OR1J2: variants seen among roughly 807,000 people sequenced by gnomAD.
The protein encoded by OR1J2 is olfactory receptor family 1 subfamily J member 2.
For synonymous variants in OR1J2, 142 were observed against 99.7 expected (o/e 1.42, Z -2.52); for missense variants, 304 against 246.1 (o/e 1.24, Z -1.57).
chr9:122,454,605 C>A, the OR1J2 span, among the ~76,000 whole-genome samples: 2 of 152,074 alleles, frequency 1.3e-5, no homozygotes, highest in African/African-American at 2.4e-5. Flanking sequence ...CCAGACTGGG[C>A]TTCTCTGGGT....
the OR1J2 span, among the ~76,000 whole-genome samples, chr9:122,565,394 T>C: frequency 6.6e-6 from 1 of 152,184 alleles, no homozygotes; most frequent in Non-Finnish European, 1.5e-5. Context: ...AGTGAGTCTC[T>C]TTCCCCAGCC....
At chr9:122,539,376 G>A in the OR1J2 span, among the ~76,000 whole-genome samples, 1 of 151,184 alleles carries the variant, frequency 6.6e-6, no homozygotes, top group African/African-American at 2.4e-5. Context: ...TTGGTTTTTT[G>A]TCCTTGTGAT....
Position 122,511,091 on chromosome 9 carries a change from G to T in OR1J2, c.290G>T (p.Cys97Phe), listed in dbSNP as rs755358538. Residue 97 changes from cysteine (C) to phenylalanine (F), a missense_variant, in exon 1 of 1, where the codon TGC (cysteine) becomes TTC (phenylalanine). By Grantham distance (205) the Cys-to-Phe change is radical. Transcript: ENST00000335302. ...TACAAATCGATCCTCTATGAGGAAT[G>T]CATTTCTCAGATGTATTTTTTTATA... Reference protein sequence around the residue: ...TKYKSILYEECISQMYFFIFF... With the variant: ...TKYKSILYEEFISQMYFFIFF... 9.0e-7 allele frequency: 1 copy of T among 1,114,984 alleles called. No homozygotes were observed. Among genetic ancestry groups the T allele is most frequent in the Non-Finnish European group, 1.3e-6 (1 of 752,318 alleles). The allele number at this position is 1,114,984 out of a possible 1,614,324, so 69.1% of individuals were successfully genotyped here.
At chr9:122,524,050 G>A in the OR1J2 span, among the ~76,000 whole-genome samples, 1 of 152,200 alleles carries the variant, frequency 6.6e-6, no homozygotes, top group Admixed American at 6.5e-5. Context: ...TTTTGGGGAT[G>A]GGTGTGATAA....
chr9:122,563,751 A>G, the OR1J2 span, among the ~76,000 whole-genome samples: 8 of 152,236 alleles, frequency 5.3e-5, no homozygotes, highest in Admixed American at 1.3e-4. Context: ...TTCAGGTCTT[A>G]CAGTCAAGTT....
chr9:122,483,966 T>C, the OR1J2 span, among the ~76,000 whole-genome samples: 1 of 152,194 alleles, frequency 6.6e-6, no homozygotes, highest in South Asian at 2.1e-4. Flanking sequence ...AAACCCAATT[T>C]ATAATAAGAG....
the OR1J2 span, among the ~76,000 whole-genome samples, chr9:122,559,374 A>G: frequency 6.6e-6 from 1 of 152,032 alleles, no homozygotes; most frequent in Non-Finnish European, 1.5e-5. Flanking sequence ...ACACAGGTAT[A>G]TGTGTGCCAT....
chr9:122,513,847 C>T (rs1280598454), downstream of OR1J2, among the ~76,000 whole-genome samples: 1 of 152,092 alleles, frequency 6.6e-6, no homozygotes, highest in Non-Finnish European at 1.5e-5. Context: ...GGAATTAAGA[C>T]AATGCAGCAC....
At chr9:122,498,239 GT>G in the OR1J2 span, among the ~76,000 whole-genome samples, 2 of 151,946 alleles carry the variant, frequency 1.3e-5, no homozygotes, top group Non-Finnish European at 2.9e-5. Flanking sequence ...TTGTTTGTTT[GT>G]TTTTTTCCTT....
At chr9:122,538,829 A>G in the OR1J2 span, among the ~76,000 whole-genome samples, 11 of 152,208 alleles carry the variant, frequency 7.2e-5, no homozygotes, top group Non-Finnish European at 1.2e-4. Flanking sequence ...GGACCTAAAC[A>G]ATGGGTATAC....
chr9:122,519,279 C>G, the OR1J2 span: 1 of 1,614,052 alleles, frequency 6.2e-7, no homozygotes, highest in Non-Finnish European at 8.5e-7. Flanking sequence ...GCTCATCATC[C>G]TGCTCATCCG....
chr9:122,574,902 C>G, the OR1J2 span, among the ~76,000 whole-genome samples: 4 of 152,000 alleles, frequency 2.6e-5, no homozygotes, highest in African/African-American at 9.7e-5. Flanking sequence ...TTTTTAGAAT[C>G]ATAGATGGGT....
At chr9:122,564,800 A>T in the OR1J2 span, among the ~76,000 whole-genome samples, 1 of 152,220 alleles carries the variant, frequency 6.6e-6, no homozygotes, top group East Asian at 1.9e-4. Context: ...GCTTGCTTTC[A>T]GCTGGCAGGG....
chr9:122,465,293 A>G, the OR1J2 span, among the ~76,000 whole-genome samples: 1 of 152,330 alleles, frequency 6.6e-6, no homozygotes, highest in South Asian at 2.1e-4. Flanking sequence ...TGCCAGGCAC[A>G]CTGTAAAACA....
the OR1J2 span, among the ~76,000 whole-genome samples, chr9:122,492,891 C>A: frequency 6.6e-6 from 1 of 152,068 alleles, no homozygotes; most frequent in Non-Finnish European, 1.5e-5. Context: ...CCTTATACAC[C>A]AATTTTGCTG....
the OR1J2 span, among the ~76,000 whole-genome samples, chr9:122,476,205 TTAA>T: frequency 1.3e-5 from 2 of 152,216 alleles, no homozygotes; most frequent in African/African-American, 4.8e-5. Flanking sequence ...CAGCAGTGTG[TTAA>T]TTATTATGTA....
chr9:122,557,876 G>C, the OR1J2 span, among the ~76,000 whole-genome samples: 2 of 151,964 alleles, frequency 1.3e-5, no homozygotes, highest in African/African-American at 4.8e-5. Context: ...TAACTATTGA[G>C]TTAATTTCTT....
the OR1J2 span, among the ~76,000 whole-genome samples, chr9:122,543,287 C>T: frequency 6.9e-6 from 1 of 144,342 alleles, no homozygotes; most frequent in Non-Finnish European, 1.6e-5. Flanking sequence ...ACTGCAGCCT[C>T]GACCTTCTGG....
the OR1J2 span, among the ~76,000 whole-genome samples, chr9:122,543,595 T>C: frequency 1.3e-5 from 2 of 152,214 alleles, no homozygotes; most frequent in South Asian, 4.1e-4. Flanking sequence ...TAATTTGCAT[T>C]GTTCTGATGA....
Sources: gnomAD v4.1 joint callset for allele counts (sites outside exome capture counted in the v4.1 genomes callset) on GRCh38, gnomAD v4.1.1 for gene constraint, MANE v1.5 for transcripts, NCBI Gene and HGNC (gene_info 2026-07-23, HGNC 2026-07-21) for gene names.